The following ZNF131 variants were observed in gnomAD, a reference collection of about 807,000 sequenced individuals.
The protein encoded by ZNF131 is zinc finger and BTB domain containing 35.
In ZNF131, 7 loss-of-function variants were observed where a neutral mutation model predicts 60.0. That is an observed-to-expected ratio of 0.12 (90% CI 0.07 to 0.22). The LOEUF is 0.22. ZNF131 is among the 10% of genes least tolerant of loss of function. The pLI, the probability that ZNF131 is intolerant of heterozygous loss-of-function variation, is 1.00. For missense variants in ZNF131, 493 were observed against 740.9 expected (o/e 0.67, Z 3.88); for synonymous variants, 257 against 253.2 (o/e 1.01, Z -0.14).
intron 4 of ZNF131, among the ~76,000 whole-genome samples, chr5:43,147,733 TAA>T (rs1206761067): frequency 2.2e-5 from 3 of 135,376 alleles, no homozygotes; most frequent in African/African-American, 2.7e-5. Flanking sequence ...TTTGGAAGTT[TAA>T]AAAAAAAAAA....
At chr5:43,144,667 T>C (rs543724089) in intron 4 of ZNF131, among the ~76,000 whole-genome samples, 1 of 152,244 alleles carries the variant, frequency 6.6e-6, no homozygotes, top group East Asian at 1.9e-4. Flanking sequence ...ATTGATTGTT[T>C]TTTGACAAAT....
At chr5:43,170,587 T>C (rs967380627) in intron 5 of ZNF131, among the ~76,000 whole-genome samples, 1 of 152,148 alleles carries the variant, frequency 6.6e-6, no homozygotes, top group African/African-American at 2.4e-5. Flanking sequence ...AGCAGATTAC[T>C]TATCTTCCAA....
intron 4 of ZNF131, among the ~76,000 whole-genome samples, chr5:43,160,000 C>T (rs572685424): frequency 0.07 from 10,572 of 151,598 alleles, 437 homozygotes; most frequent in South Asian, 0.13. Context: ...CACGGTGAAA[C>T]CCCATCTCTA....
chr5:43,170,058 T>C (rs1012547346), intron 5 of ZNF131, among the ~76,000 whole-genome samples: 12 of 152,186 alleles, frequency 7.9e-5, no homozygotes, highest in Non-Finnish European at 1.8e-4. Context: ...CCTAATAATA[T>C]GCACATTTTA....
chr5:43,141,337 T>A (rs1746797174), intron 4 of ZNF131, among the ~76,000 whole-genome samples: 2 of 152,036 alleles, frequency 1.3e-5, no homozygotes, highest in African/African-American at 4.8e-5. Flanking sequence ...CTCAAAAAGA[T>A]TAAAGGAAAT....
chr5:43,140,117 A>G (rs1379313399), intron 4 of ZNF131, among the ~76,000 whole-genome samples: 1 of 75,286 alleles, frequency 1.3e-5, no homozygotes, highest in Non-Finnish European at 2.9e-5. Flanking sequence ...TCAGGAGCTG[A>G]GGTGGGAGGG....
chr5:43,123,948 A>G (rs946201449), intron 3 of ZNF131: 1 of 152,140 alleles, frequency 6.6e-6, no homozygotes, highest in Admixed American at 6.5e-5. Context: ...AGTTTTGTGT[A>G]TTGTCTAAGG....
intron 4 of ZNF131, chr5:43,143,315 C>G (rs1317567988): frequency 8.3e-6 from 10 of 1,210,190 alleles, no homozygotes; most frequent in Non-Finnish European, 1.0e-5. Context: ...GTCACTGCGC[C>G]CGGCCTCAAG....
At chr5:43,165,934 A>C (rs1750293411) in intron 5 of ZNF131, among the ~76,000 whole-genome samples, 1 of 152,250 alleles carries the variant, frequency 6.6e-6, no homozygotes, top group South Asian at 2.1e-4. Context: ...AACTTGCTAC[A>C]GCTTCTGCAC....
rs544714387 is a variant in ZNF131 at position 43,176,072 on chromosome 5, T to C, written c.*939T>C. ...AATAAAGTACAGAGAAAGACATGTA[T>C]ATAATTATCAGGCTTTGTTTTGAAT... On this transcript the variant is annotated 3_prime_UTR_variant, in exon 7 of 7. Transcript: ENST00000682664. 6.6e-6 allele frequency: 1 copy of C among 152,386 alleles called. No individual in the cohort carries two copies. The highest frequency in any genetic ancestry group is 6.5e-5 in the Admixed American group (1 of 15,302). 9.4% of individuals were successfully genotyped at this position (152,386 alleles called of 1,614,324 possible).
chr5:43,173,519 A>G, intron 6 of ZNF131, 71 bp downstream of exon 6: 1 of 1,539,908 alleles, frequency 6.5e-7, no homozygotes. Context: ...AAGCAAAGGG[A>G]AACAGAGTCT....
intron 1 of ZNF131, chr5:43,121,367 C>G (rs139887372): frequency 6.5e-6 from 1 of 153,118 alleles, no homozygotes; most frequent in Non-Finnish European, 1.5e-5. Context: ...GGTTTCTTCT[C>G]AGAGAGCAAG....
chr5:43,166,415 C>T (rs1460566639), intron 5 of ZNF131, among the ~76,000 whole-genome samples: 3 of 151,446 alleles, frequency 2.0e-5, no homozygotes, highest in African/African-American at 7.3e-5. Flanking sequence ...GGCTGGAGTG[C>T]AGTCATGCGA....
At chr5:43,122,967 T>C (rs542464842) in intron 2 of ZNF131, among the ~76,000 whole-genome samples, 2 of 152,234 alleles carry the variant, frequency 1.3e-5, no homozygotes, top group Non-Finnish European at 2.9e-5. Context: ...TACCTAGTGT[T>C]GTAAATTAGG....
chr5:43,157,843 C>T (rs1380517431), intron 4 of ZNF131, among the ~76,000 whole-genome samples: 9 of 152,244 alleles, frequency 5.9e-5, no homozygotes, highest in African/African-American at 2.2e-4. Flanking sequence ...AGCAGAACTC[C>T]AGTCTCTGCC....
chr5:43,121,850 C>A (rs1461732141), intron 1 of ZNF131, 189 bp from the exon 2 acceptor site: 3 of 497,122 alleles, frequency 6.0e-6, no homozygotes, highest in Non-Finnish European at 1.0e-5. Context: ...AGTCCCGCGG[C>A]CGCGGCTCCG....
chr5:43,152,426 A>G (rs2111764929), intron 4 of ZNF131, among the ~76,000 whole-genome samples: 1 of 152,318 alleles, frequency 6.6e-6, no homozygotes. Flanking sequence ...TGCGACACAC[A>G]GGAGTCATCC....
intron 4 of ZNF131, among the ~76,000 whole-genome samples, chr5:43,160,102 GGAGGCGGAGCTTACAGT>G (rs2111919888): frequency 6.6e-6 from 1 of 151,862 alleles, no homozygotes; most frequent in South Asian, 2.1e-4. Context: ...CGTGAACCTG[GGAGGCGGAGCTTACAGT>G]GAGCCAAGAT....
At chr5:43,148,369 A>G (rs1747889529) in intron 4 of ZNF131, among the ~76,000 whole-genome samples, 1 of 152,196 alleles carries the variant, frequency 6.6e-6, no homozygotes, top group African/African-American at 2.4e-5. Flanking sequence ...ACAGAACGAG[A>G]CCCTGTCTCA....
Sources: allele counts gnomAD v4.1 joint callset (sites outside exome capture counted in the v4.1 genomes callset), GRCh38; gene constraint gnomAD v4.1.1; transcripts MANE v1.5; gene names NCBI Gene and HGNC (gene_info 2026-07-23, HGNC 2026-07-21).